Variants in EIF4G3 observed in about 807,000 individuals in gnomAD.
EIF4G3 encodes the protein eIF-4-gamma 3.
In EIF4G3, 34 loss-of-function variants were observed where a neutral mutation model predicts 186.4. The observed-to-expected ratio is 0.18, with a 90% CI of 0.14 to 0.24. EIF4G3 has a LOEUF of 0.24. EIF4G3 is among the 10% of genes least tolerant of loss of function. The pLI is 1.00. For missense variants in EIF4G3, 1,536 were observed against 1,948.5 expected (o/e 0.79, Z 3.99); for synonymous variants, 673 against 679.5 (o/e 0.99, Z 0.15).
In EIF4G3 at chr1:20,825,251, G is replaced by GAAAAAAAAAAA. The variant is rs71585786; in HGVS notation, c.4270-64_4270-54dup. 1.2e-4 allele frequency: 27 copies of GAAAAAAAAAAA among 231,700 alleles called. 1 individual carries two copies. The highest frequency in any genetic ancestry group is 2.4e-4 in the South Asian group (3 of 12,508). 14.4% of individuals were successfully genotyped at this position (231,700 alleles called of 1,614,324 possible). A position where few individuals can be genotyped will look rare whatever the true frequency, so the allele number is the denominator to read the frequency against. ...TACTTTCACAGTGGAAGAAGAAACA[G>GAAAAAAAAAAA]AAAAAAAAAAAAAAAAAAAGATTTG... is the stretch of plus-strand genomic sequence containing the variant. On this transcript the variant is annotated intron_variant, in intron 32 of 36. Transcript: ENST00000602326.
chr1:21,165,367 A>T (rs2097840477), intron 2 of EIF4G3, among the ~76,000 whole-genome samples: 1 of 152,246 alleles, frequency 6.6e-6, no homozygotes, highest in African/African-American at 2.4e-5. Flanking sequence ...TAACATCTAT[A>T]TAAAAACATC....
intron 35 of EIF4G3, among the ~76,000 whole-genome samples, chr1:20,811,153 C>G (rs753304239): frequency 9.9e-5 from 15 of 152,090 alleles, no homozygotes; most frequent in Non-Finnish European, 1.9e-4. Flanking sequence ...AGGGTTTCAC[C>G]ATGTTGGTCA....
At chr1:21,001,109 G>A (rs1487784564) in intron 6 of EIF4G3, 90 bp downstream of exon 6, 2 of 448,970 alleles carry the variant, frequency 4.5e-6, no homozygotes, top group Non-Finnish European at 9.2e-6. Context: ...ATGCATTTCT[G>A]TTCATCAGCC....
In EIF4G3 at chr1:20,840,016, A is replaced by C. The variant is rs146782722; in HGVS notation, c.4061+840T>G. On this transcript the variant is annotated intron_variant, in intron 30 of 36. Transcript: ENST00000602326. ...AGGATGAGATGGCAGATGTTAATCC[A>C]ATGTCCAGACCTTAGGAGATCCTAG... Among the ~76,000 whole-genome samples the C allele has an allele frequency of 4.2e-3, 633 of 152,184 alleles. 7 individuals carry two copies. Among genetic ancestry groups the C allele is most frequent in the African/African-American group, 0.014 (561 of 41,536 alleles).
At chr1:20,894,291 G>C (rs1245338399) in intron 17 of EIF4G3, among the ~76,000 whole-genome samples, 1 of 152,156 alleles carries the variant, frequency 6.6e-6, no homozygotes, top group East Asian at 1.9e-4. Flanking sequence ...AGGACAGGCA[G>C]GAATATTTTC....
intron 25 of EIF4G3, 144 bp downstream of exon 25, chr1:20,857,259 T>G: frequency 1.5e-6 from 1 of 654,064 alleles, no homozygotes. Flanking sequence ...AACCACCCCA[T>G]GGATTTGCAA....
At chr1:21,172,118 CAAA>C (rs35477282) in intron 2 of EIF4G3, among the ~76,000 whole-genome samples, 205 of 105,512 alleles carry the variant, frequency 1.9e-3, no homozygotes, top group Middle Eastern at 9.2e-3. Flanking sequence ...CCTCCTCTAG[CAAA>C]AAAAAAAAAA....
intron 2 of EIF4G3, among the ~76,000 whole-genome samples, chr1:21,121,870 T>C (rs2096932109): frequency 6.6e-6 from 1 of 152,108 alleles, no homozygotes; most frequent in African/African-American, 2.4e-5. Context: ...CACGTGTGTA[T>C]ACACTGGCCA....
chr1:21,112,096 T>C (rs1558016084), intron 2 of EIF4G3, among the ~76,000 whole-genome samples: 1 of 152,206 alleles, frequency 6.6e-6, no homozygotes, highest in Non-Finnish European at 1.5e-5. Context: ...GGCCTCCACT[T>C]ACACTTTTTA....
At chr1:20,897,538 T>G (rs1400713818) in intron 16 of EIF4G3, among the ~76,000 whole-genome samples, 1 of 152,058 alleles carries the variant, frequency 6.6e-6, no homozygotes, top group East Asian at 1.9e-4. Context: ...AATCACAGTT[T>G]TCTTATTTTA....
chr1:21,083,487 C>CTTT (rs11368580), intron 3 of EIF4G3, among the ~76,000 whole-genome samples: 1 of 144,426 alleles, frequency 6.9e-6, no homozygotes. Flanking sequence ...CACACACACA[C>CTTT]TTTTTTTTTT....
chr1:21,120,815 C>T (rs993231441), intron 2 of EIF4G3, among the ~76,000 whole-genome samples: 1 of 152,082 alleles, frequency 6.6e-6, no homozygotes, highest in Non-Finnish European at 1.5e-5. Flanking sequence ...TATAAGAGCA[C>T]GAGTATGAAC....
At chr1:20,979,392 T>C (rs987694286) in intron 10 of EIF4G3, among the ~76,000 whole-genome samples, 2 of 152,224 alleles carry the variant, frequency 1.3e-5, no homozygotes, top group Non-Finnish European at 2.9e-5. Flanking sequence ...ATGGCATGTA[T>C]ATTCTCCAAG....
At chr1:21,116,138 T>C (rs981835878) in intron 2 of EIF4G3, among the ~76,000 whole-genome samples, 2 of 152,162 alleles carry the variant, frequency 1.3e-5, no homozygotes, top group Non-Finnish European at 2.9e-5. Context: ...GGTACAATAC[T>C]TCAATAGCAG....
chr1:21,103,733 A>G (rs113917404), intron 2 of EIF4G3, among the ~76,000 whole-genome samples: 162 of 152,214 alleles, frequency 1.1e-3, no homozygotes, highest in African/African-American at 3.8e-3. Flanking sequence ...AGTCCCAGCT[A>G]CTTGGGAGGC....
At chr1:20,825,247 AACAG>A (rs1270212712) in intron 32 of EIF4G3, 49 bp from the exon 33 acceptor site, 5 of 1,086,288 alleles carry the variant, frequency 4.6e-6, no homozygotes, top group East Asian at 2.6e-5. Context: ...TGGAAGAAGA[AACAG>A]AAAAAAAAAA....
chr1:20,998,747 G>C, intron 6 of EIF4G3: 1 of 305,024 alleles, frequency 3.3e-6, no homozygotes, highest in Non-Finnish European at 6.6e-6. Context: ...CCATATTGTG[G>C]ATACTAATAC....
chr1:20,942,368 G>C (rs767628143), intron 13 of EIF4G3, 38 bp from the exon 14 acceptor site: 2 of 1,525,078 alleles, frequency 1.3e-6, no homozygotes, highest in African/African-American at 1.4e-5. Flanking sequence ...ATAATTCTTG[G>C]ATCAGAGACT....
chr1:20,860,605 T>C, intron 23 of EIF4G3, 88 bp from the exon 24 acceptor site: 1 of 1,417,564 alleles, frequency 7.1e-7, no homozygotes, highest in Non-Finnish European at 9.6e-7. Flanking sequence ...ACTGGAAAAG[T>C]ACAAAATACC....
Sources: allele counts gnomAD v4.1 joint callset (sites outside exome capture counted in the v4.1 genomes callset), GRCh38; gene constraint gnomAD v4.1.1; transcripts MANE v1.5; gene names NCBI Gene and HGNC (gene_info 2026-07-23, HGNC 2026-07-21).